Variants in GALNT13 observed in about 807,000 individuals in gnomAD.
GALNT13 encodes the protein UDP-GalNAc:polypeptide N-acetylgalactosaminyltransferase 13.
A neutral mutation model predicts 64.2 loss-of-function variants in GALNT13; 28 were observed. That is an observed-to-expected ratio of 0.44 (90% CI 0.32 to 0.60). The LOEUF is 0.60. Ranked by LOEUF, GALNT13 falls within the 20% of genes least tolerant of loss-of-function variation. The probability of loss-of-function intolerance (pLI) is 0.05; values close to 1 mark genes in which losing one functional copy is unlikely to be tolerated. For synonymous variants in GALNT13, 214 were observed against 224.6 expected, an observed-to-expected ratio of 0.95 and a Z score of 0.42; for missense variants, 577 against 669.8, an observed-to-expected ratio of 0.86 and a Z score of 1.53.
chr2:154,365,924 C>T (rs923068958), intron 9 of GALNT13, among the ~76,000 whole-genome samples: 1 of 152,090 alleles, frequency 6.6e-6, no homozygotes, highest in Non-Finnish European at 1.5e-5. Context: ...GGTGAAGAGA[C>T]CTAGACCTCT....
chr2:153,350,737 C>T, the GALNT13 span, among the ~76,000 whole-genome samples: 13 of 151,992 alleles, frequency 8.6e-5, no homozygotes, highest in African/African-American at 2.4e-4. Context: ...AGCTGGTTGG[C>T]GTGAGGAAGT....
At chr2:153,416,805 G>A in the GALNT13 span, among the ~76,000 whole-genome samples, 1 of 152,252 alleles carries the variant, frequency 6.6e-6, no homozygotes, top group Non-Finnish European at 1.5e-5. Context: ...CCCTCATGGA[G>A]CTTGCACTCT....
chr2:153,300,505 T>C, the GALNT13 span, among the ~76,000 whole-genome samples: 1 of 152,242 alleles, frequency 6.6e-6, no homozygotes, highest in Non-Finnish European at 1.5e-5. Context: ...CTGAGGACTA[T>C]GTATTTGGAG....
chr2:153,361,007 C>T, the GALNT13 span, among the ~76,000 whole-genome samples: 1 of 152,240 alleles, frequency 6.6e-6, no homozygotes, highest in Non-Finnish European at 1.5e-5. Flanking sequence ...TCAGAGATCC[C>T]AGTGGATGGA....
At chr2:153,390,198 A>T in the GALNT13 span, among the ~76,000 whole-genome samples, 1 of 152,132 alleles carries the variant, frequency 6.6e-6, no homozygotes, top group Admixed American at 6.6e-5. Flanking sequence ...ATTCTCAGCA[A>T]ACTGTCACAA....
At chr2:153,331,625 C>A in the GALNT13 span, among the ~76,000 whole-genome samples, 3 of 152,000 alleles carry the variant, frequency 2.0e-5, no homozygotes, top group African/African-American at 7.2e-5. Context: ...CTTTCCTTTT[C>A]ACGTTTTTTT....
chr2:153,166,621 ATGTGTGTGTGTGTGTGTG>A, the GALNT13 span, among the ~76,000 whole-genome samples: 4,166 of 122,734 alleles, frequency 0.034, 97 homozygotes, highest in Non-Finnish European at 0.049. Flanking sequence ...TGCCTACTGC[ATGTGTGTGTGTGTGTGTG>A]TGTGTGTGTG....
chr2:153,715,280 A>AGGT, the GALNT13 span, among the ~76,000 whole-genome samples: 1 of 152,192 alleles, frequency 6.6e-6, no homozygotes, highest in African/African-American at 2.4e-5. Context: ...CCAGTAGCTG[A>AGGT]GGTGGTAATT....
chr2:153,257,053 C>T, the GALNT13 span, among the ~76,000 whole-genome samples: 7 of 152,226 alleles, frequency 4.6e-5, no homozygotes, highest in African/African-American at 7.2e-5. Context: ...CCGCCAGCCT[C>T]GCTGCCGCCT....
chr2:154,358,016 G>C (rs758474247), intron 9 of GALNT13, among the ~76,000 whole-genome samples: 6 of 152,026 alleles, frequency 3.9e-5, no homozygotes, highest in Non-Finnish European at 7.4e-5. Context: ...TGAGCTTTGA[G>C]TGGAATGTGC....
chr2:153,416,591 A>C, the GALNT13 span, among the ~76,000 whole-genome samples: 2 of 152,178 alleles, frequency 1.3e-5, no homozygotes, highest in Admixed American at 6.5e-5. Context: ...ATATTTTCCT[A>C]GACTGCTGAT....
At chr2:153,634,447 A>G in the GALNT13 span, among the ~76,000 whole-genome samples, 10 of 151,952 alleles carry the variant, frequency 6.6e-5, no homozygotes, top group East Asian at 1.9e-3. Context: ...AAGACATGAA[A>G]TCCATACTCC....
the GALNT13 span, among the ~76,000 whole-genome samples, chr2:153,858,115 CT>C: frequency 4.4e-4 from 67 of 152,180 alleles, no homozygotes; most frequent in South Asian, 3.9e-3. Flanking sequence ...ATTAGGTGAT[CT>C]TAAATTAAGT....
In GALNT13 at chr2:154,413,634, G is replaced by C. The variant is rs151021515; in HGVS notation, c.1395+4552G>C. On this transcript the variant is annotated intron_variant, in intron 11 of 12. Coordinates refer to ENST00000392825, the MANE Select transcript of GALNT13 (RefSeq NM_052917.4). ...TACGTCTCATGATTTCTCATTCCTT[G>C]AATGCTTTCAGTGTTTTCCTATCCT... Among the ~76,000 whole-genome samples the C allele has an allele frequency of 4.0e-3, 608 of 151,940 alleles. 3 individuals carry two copies. The highest frequency in any genetic ancestry group is 0.01 in the Middle Eastern group (3 of 294).
At chr2:153,769,439 G>A in the GALNT13 span, among the ~76,000 whole-genome samples, 1 of 150,808 alleles carries the variant, frequency 6.6e-6, no homozygotes, top group Non-Finnish European at 1.5e-5. Context: ...CAGAGTTTCT[G>A]CTGATAAATC....
At chr2:153,380,011 A>T in the GALNT13 span, among the ~76,000 whole-genome samples, 2 of 152,128 alleles carry the variant, frequency 1.3e-5, no homozygotes, top group South Asian at 2.1e-4. Flanking sequence ...GCAATATTTC[A>T]ATTGGTACTT....
chr2:153,423,331 A>C, the GALNT13 span: 1 of 151,830 alleles, frequency 6.6e-6, no homozygotes, highest in African/African-American at 2.4e-5. Flanking sequence ...TATAATATAA[A>C]CTCTTAACAA....
chr2:153,249,259 G>C, the GALNT13 span, among the ~76,000 whole-genome samples: 1 of 152,166 alleles, frequency 6.6e-6, no homozygotes, highest in Admixed American at 6.6e-5. Flanking sequence ...CAAATCATGA[G>C]TGAACTCCCA....
chr2:154,314,682 A>G (rs1694233920), intron 9 of GALNT13, among the ~76,000 whole-genome samples: 1 of 151,948 alleles, frequency 6.6e-6, no homozygotes, highest in Admixed American at 6.6e-5. Context: ...GGGAAGTGCC[A>G]GTTTCCTTTT....
Sources: allele counts gnomAD v4.1 joint callset (sites outside exome capture counted in the v4.1 genomes callset), GRCh38; gene constraint gnomAD v4.1.1; transcripts MANE v1.5; gene names NCBI Gene and HGNC (gene_info 2026-07-23, HGNC 2026-07-21).